Variants in SH3D19 observed in about 807,000 individuals in gnomAD.
The protein encoded by SH3D19 is SH3 domain containing 19.
SH3D19 carries 58 observed loss-of-function variants against 112.1 expected under a neutral mutation model. The ratio of observed to expected loss-of-function variants is 0.52; its 90% CI spans 0.42 to 0.64. The LOEUF (loss-of-function observed/expected upper bound fraction) is 0.64, where lower values mean the gene tolerates loss of function less well. Among genes scored for constraint, SH3D19 ranks in the 30% least tolerant of loss-of-function variants. The probability of loss-of-function intolerance (pLI) is 0.00; values close to 1 mark genes in which losing one functional copy is unlikely to be tolerated. For synonymous variants in SH3D19, 391 were observed against 448.5 expected (o/e 0.87, Z 1.62); for missense variants, 1,090 against 1,263.4 (o/e 0.86, Z 2.08).
chr4:151,321,017 G>C (rs1441182613), intron 1 of SH3D19, among the ~76,000 whole-genome samples: 3 of 152,066 alleles, frequency 2.0e-5, no homozygotes, highest in African/African-American at 7.2e-5. Context: ...CTCCAGCCTG[G>C]GCAACAGAGC....
chr4:151,169,188 T>C (rs1320869976), intron 7 of SH3D19, among the ~76,000 whole-genome samples: 3 of 152,226 alleles, frequency 2.0e-5, no homozygotes, highest in Non-Finnish European at 2.9e-5. Flanking sequence ...CAAAGTGTCC[T>C]AGCTTACTCA....
intron 7 of SH3D19, among the ~76,000 whole-genome samples, chr4:151,169,435 C>T (rs539711834): frequency 6.6e-6 from 1 of 152,264 alleles, no homozygotes; most frequent in African/African-American, 2.4e-5. Flanking sequence ...GCCTCTCTGT[C>T]TGCATGTTGT....
At chr4:151,310,023 C>A (rs965589935) in intron 1 of SH3D19, among the ~76,000 whole-genome samples, 4 of 151,538 alleles carry the variant, frequency 2.6e-5, no homozygotes, top group African/African-American at 9.7e-5. Flanking sequence ...GTGGCTCATG[C>A]CTGTAATCCC....
At chr4:151,152,516 C>CT (rs1177292502) in intron 9 of SH3D19, among the ~76,000 whole-genome samples, 14,225 of 127,252 alleles carry the variant, frequency 0.11, 1,972 homozygotes, top group African/African-American at 0.31. Flanking sequence ...CTCTCTCTCT[C>CT]TTTTTTTTTT....
chr4:151,197,710 C>T (rs1416732746), intron 2 of SH3D19, among the ~76,000 whole-genome samples: 1 of 151,754 alleles, frequency 6.6e-6, no homozygotes, highest in Non-Finnish European at 1.5e-5. Context: ...AGGTGAGAAA[C>T]ATGATTTTGT....
At chr4:151,229,837 C>A (rs1240178034) in intron 1 of SH3D19, among the ~76,000 whole-genome samples, 1 of 152,140 alleles carries the variant, frequency 6.6e-6, no homozygotes, top group Non-Finnish European at 1.5e-5. Flanking sequence ...ATCACTTGAG[C>A]TCGGGAGATG....
chr4:151,171,210 C>CT (rs767687240), intron 7 of SH3D19, among the ~76,000 whole-genome samples: 136 of 142,562 alleles, frequency 9.5e-4, no homozygotes, highest in East Asian at 1.6e-3. Flanking sequence ...TGGCTATTTT[C>CT]TTTTTTTTTT....
At chr4:151,183,917 T>A (rs780142687) in intron 3 of SH3D19, among the ~76,000 whole-genome samples, 6 of 152,224 alleles carry the variant, frequency 3.9e-5, no homozygotes, top group African/African-American at 1.4e-4. Context: ...TTTCTGGGAC[T>A]CAGTTTCACT....
intron 2 of SH3D19, among the ~76,000 whole-genome samples, chr4:151,210,803 TTC>T (rs1765850597): frequency 6.6e-6 from 1 of 152,240 alleles, no homozygotes; most frequent in South Asian, 2.1e-4. Flanking sequence ...TTTTATTTTT[TTC>T]TCCTTTTTGT....
At chr4:151,174,571 A>C in intron 7 of SH3D19, 99 bp downstream of exon 7, 1 of 1,113,566 alleles carries the variant, frequency 9.0e-7, no homozygotes, top group Non-Finnish European at 1.3e-6. Flanking sequence ...GTATACACAC[A>C]CCTCAATAAC....
chr4:151,302,746 G>A (rs148012055), intron 1 of SH3D19, among the ~76,000 whole-genome samples: 2 of 152,162 alleles, frequency 1.3e-5, no homozygotes, highest in South Asian at 2.1e-4. Flanking sequence ...GCGGGCTAGT[G>A]GGAGGCTGAG....
intron 12 of SH3D19, among the ~76,000 whole-genome samples, chr4:151,142,850 A>G (rs1201872202): frequency 6.6e-6 from 1 of 152,232 alleles, no homozygotes; most frequent in South Asian, 2.1e-4. Flanking sequence ...CATTATCACC[A>G]ATAGCTGCCC....
intron 19 of SH3D19, among the ~76,000 whole-genome samples, chr4:151,124,631 T>C (rs1222844417): frequency 6.6e-6 from 1 of 151,914 alleles, no homozygotes; most frequent in Non-Finnish European, 1.5e-5. Context: ...GGCGGGAGAA[T>C]TGCTGGAATC....
intron 2 of SH3D19, among the ~76,000 whole-genome samples, chr4:151,199,793 C>T (rs543700973): frequency 3.9e-5 from 6 of 152,214 alleles, no homozygotes; most frequent in East Asian, 1.9e-4. Flanking sequence ...CCCCAAACTA[C>T]GAAATAGTAT....
intron 18 of SH3D19, 41 bp downstream of exon 18, chr4:151,128,129 T>G: frequency 6.6e-7 from 1 of 1,510,374 alleles, no homozygotes; most frequent in Non-Finnish European, 8.9e-7. Context: ...GGTTTCAGGC[T>G]CCCCGTGAGG....
intron 2 of SH3D19, among the ~76,000 whole-genome samples, chr4:151,200,967 C>T (rs779706556): frequency 4.6e-5 from 7 of 152,230 alleles, no homozygotes; most frequent in Admixed American, 1.3e-4. Context: ...CATACCACTG[C>T]ACAGGCCCCA....
At chr4:151,223,164 G>A (rs1181596423) in intron 2 of SH3D19, among the ~76,000 whole-genome samples, 1 of 151,696 alleles carries the variant, frequency 6.6e-6, no homozygotes, top group Non-Finnish European at 1.5e-5. Flanking sequence ...TGATCTGTGG[G>A]GTGATATTTT....
At chr4:151,180,825 GC>G (rs1285904431) in intron 3 of SH3D19, among the ~76,000 whole-genome samples, 2 of 150,696 alleles carry the variant, frequency 1.3e-5, no homozygotes, top group Non-Finnish European at 3.0e-5. Context: ...GTGCAGTGGC[GC>G]CATCTCGGCT....
chr4:151,153,672 T>G (rs574855024), intron 9 of SH3D19, among the ~76,000 whole-genome samples: 2 of 152,314 alleles, frequency 1.3e-5, no homozygotes, highest in East Asian at 3.9e-4. Context: ...ATGCGTGAAT[T>G]CAGGCAAATC....
Sources: gnomAD v4.1 joint callset for allele counts (sites outside exome capture counted in the v4.1 genomes callset) on GRCh38, gnomAD v4.1.1 for gene constraint, MANE v1.5 for transcripts, NCBI Gene and HGNC (gene_info 2026-07-23, HGNC 2026-07-21) for gene names.